The following WIPF2 variants were observed in gnomAD, a reference collection of about 807,000 sequenced individuals.
The protein encoded by WIPF2 is WAS/WASL-interacting protein family member 2.
WIPF2 carries 23 observed loss-of-function variants against 38.8 expected under a neutral mutation model. The ratio of observed to expected loss-of-function variants is 0.59; its 90% confidence interval spans 0.43 to 0.84. WIPF2 has a LOEUF of 0.84. Among genes scored for constraint, WIPF2 ranks in the 40% least tolerant of loss-of-function variants. The pLI is 0.00. For synonymous variants in WIPF2, 210 were observed against 223.2 expected, an observed-to-expected ratio of 0.94 and a Z score of 0.53; for missense variants, 574 against 580.5, an observed-to-expected ratio of 0.99 and a Z score of 0.11.
At chr17:40,227,531 A>G (rs774098400) in intron 1 of WIPF2, among the ~76,000 whole-genome samples, 8 of 152,036 alleles carry the variant, frequency 5.3e-5, no homozygotes, top group Non-Finnish European at 1.0e-4. Flanking sequence ...TCATCTTCCC[A>G]GAGGCAACTC....
rs2032539068 is a variant in WIPF2 at position 40,281,197 on chromosome 17, A to G, written c.*2972A>G. 6.6e-6 allele frequency: 1 copy of G among 152,156 alleles called. No individual in the cohort carries two copies. The highest frequency in any genetic ancestry group is 2.1e-4 in the South Asian group (1 of 4,824). The allele number at this position is 152,156 out of a possible 1,614,324, so 9.4% of individuals were successfully genotyped here. On this transcript the variant is annotated 3_prime_UTR_variant, in exon 8 of 8. Coordinates refer to ENST00000323571, the MANE Select transcript of WIPF2 (RefSeq NM_133264.5). ...CCCATTAACTCCCTTGTCCCCCCAC[A>G]GAAGGAAGAGACATTGCCCAGCTAA...
intron 1 of WIPF2, among the ~76,000 whole-genome samples, chr17:40,246,147 C>T (rs149477461): frequency 1.3e-4 from 20 of 148,478 alleles, no homozygotes; most frequent in African/African-American, 4.5e-4. Flanking sequence ...AGTGCAGTGG[C>T]GTGATCTCGG....
intron 4 of WIPF2, 35 bp downstream of exon 4, chr17:40,262,676 G>GGGAAA: frequency 1.3e-6 from 2 of 1,575,782 alleles, no homozygotes; most frequent in Non-Finnish European, 1.7e-6. Flanking sequence ...GTATTTCCCT[G>GGGAAA]GTGTGTTAAT....
At chr17:40,254,224 C>T (rs556906257) in intron 1 of WIPF2, among the ~76,000 whole-genome samples, 29 of 152,080 alleles carry the variant, frequency 1.9e-4, no homozygotes, top group Non-Finnish European at 3.8e-4. Context: ...ACCATGTTGT[C>T]CAGACTGGTC....
intron 1 of WIPF2, among the ~76,000 whole-genome samples, chr17:40,226,893 CA>C (rs1185874162): frequency 6.6e-6 from 1 of 151,974 alleles, no homozygotes; most frequent in Non-Finnish European, 1.5e-5. Context: ...AGGTGCACGC[CA>C]CCATGCCCAA....
At chr17:40,225,924 AG>A (rs1425269435) in intron 1 of WIPF2, among the ~76,000 whole-genome samples, 8 of 151,928 alleles carry the variant, frequency 5.3e-5, no homozygotes, top group Non-Finnish European at 1.2e-4. Context: ...GTGAGCCACC[AG>A]GCTCAGCCAT....
chr17:40,252,903 G>A (rs1452879994), intron 1 of WIPF2, among the ~76,000 whole-genome samples: 3 of 150,386 alleles, frequency 2.0e-5, no homozygotes, highest in Non-Finnish European at 3.0e-5. Context: ...AGCTGGGATT[G>A]TAATCCCATG....
chr17:40,265,231 C>T (rs901112688), intron 5 of WIPF2, 85 bp downstream of exon 5: 4 of 1,450,504 alleles, frequency 2.8e-6, no homozygotes, highest in Admixed American at 2.3e-5. Flanking sequence ...GACAGTAATT[C>T]GTTTATTCAC....
chr17:40,256,115 AAAAAG>A (rs890644938), intron 1 of WIPF2, among the ~76,000 whole-genome samples: 1 of 151,264 alleles, frequency 6.6e-6, no homozygotes, highest in African/African-American at 2.4e-5. Context: ...AAAAAAAAAA[AAAAAG>A]GACACAAGGC....
intron 1 of WIPF2, among the ~76,000 whole-genome samples, chr17:40,231,945 T>C (rs1598468448): frequency 6.6e-6 from 1 of 151,150 alleles, no homozygotes; most frequent in East Asian, 1.9e-4. Context: ...CTTTTTTTTT[T>C]TTTTTTTAGC....
At chr17:40,228,855 G>T (rs1338034979) in intron 1 of WIPF2, among the ~76,000 whole-genome samples, 3 of 151,732 alleles carry the variant, frequency 2.0e-5, no homozygotes, top group Non-Finnish European at 4.4e-5. Flanking sequence ...GGCTTAAGCA[G>T]TCCTCCTATC....
chr17:40,252,710 C>G (rs2031597649), intron 1 of WIPF2, among the ~76,000 whole-genome samples: 1 of 149,374 alleles, frequency 6.7e-6, no homozygotes, highest in Non-Finnish European at 1.5e-5. Context: ...CCTCTGGTGA[C>G]TGGAATTAGT....
chr17:40,270,444 G>A (rs1315734216), intron 5 of WIPF2, among the ~76,000 whole-genome samples: 1 of 151,786 alleles, frequency 6.6e-6, no homozygotes, highest in East Asian at 1.9e-4. Flanking sequence ...GAACCTGGCT[G>A]GGATGAGGGA....
intron 5 of WIPF2, among the ~76,000 whole-genome samples, chr17:40,268,620 A>T (rs556208438): frequency 6.6e-6 from 1 of 151,976 alleles, no homozygotes; most frequent in African/African-American, 2.4e-5. Flanking sequence ...TTATTTTTTA[A>T]GATGAGGTCT....
intron 6 of WIPF2, among the ~76,000 whole-genome samples, chr17:40,274,567 A>G (rs2032335153): frequency 6.9e-6 from 1 of 145,932 alleles, no homozygotes; most frequent in African/African-American, 2.5e-5. Flanking sequence ...GAAAAAAAAA[A>G]AAAAAAAAAA....
At chr17:40,222,386 G>C (rs1028673009) in intron 1 of WIPF2, among the ~76,000 whole-genome samples, 1 of 151,098 alleles carries the variant, frequency 6.6e-6, no homozygotes, top group African/African-American at 2.4e-5. Context: ...GGCTGGGCGC[G>C]CTGGCTCATG....
At chr17:40,237,841 T>C (rs1459382957) in intron 1 of WIPF2, among the ~76,000 whole-genome samples, 1 of 143,122 alleles carries the variant, frequency 7.0e-6, no homozygotes, top group Admixed American at 7.0e-5. Context: ...AGATGGGGTT[T>C]CACCCTGTTG....
intron 5 of WIPF2, among the ~76,000 whole-genome samples, chr17:40,270,234 C>T (rs577276662): frequency 1.6e-4 from 25 of 151,790 alleles, no homozygotes; most frequent in Admixed American, 1.1e-3. Context: ...GGCGTGGTGG[C>T]GGGTGCCTGT....
intron 2 of WIPF2, 83 bp from the exon 3 acceptor site, chr17:40,260,452 G>A: frequency 6.6e-7 from 1 of 1,526,142 alleles, no homozygotes. Flanking sequence ...CTCCCAAAGT[G>A]TTGGGATTAC....
Sources: allele counts gnomAD v4.1 joint callset (sites outside exome capture counted in the v4.1 genomes callset), GRCh38; gene constraint gnomAD v4.1.1; transcripts MANE v1.5; gene names NCBI Gene and HGNC (gene_info 2026-07-23, HGNC 2026-07-21).